Variants in HS6ST3 observed in about 807,000 individuals in gnomAD.
HS6ST3 encodes heparan sulfate 6-O-sulfotransferase 3.
Under a neutral mutation model 36.7 loss-of-function variants are expected in HS6ST3, and 12 were observed. The ratio of observed to expected loss-of-function variants is 0.33; its 90% confidence interval spans 0.21 to 0.53. HS6ST3 has a LOEUF of 0.53. HS6ST3 is among the 20% of genes least tolerant of loss of function. The pLI, the probability that HS6ST3 is intolerant of heterozygous loss-of-function variation, is 0.95. For synonymous variants in HS6ST3, 240 were observed against 257.5 expected (o/e 0.93, Z 0.65); for missense variants, 584 against 640.9 (o/e 0.91, Z 0.96).
At chr13:96,667,678 A>G (rs2056668521) in intron 1 of HS6ST3, among the ~76,000 whole-genome samples, 1 of 152,238 alleles carries the variant, frequency 6.6e-6, no homozygotes, top group African/African-American at 2.4e-5. Flanking sequence ...AATGTTACAT[A>G]TAAAAAATCT....
intron 1 of HS6ST3, among the ~76,000 whole-genome samples, chr13:96,178,629 G>C (rs754042157): frequency 2.6e-5 from 4 of 152,000 alleles, no homozygotes; most frequent in Admixed American, 2.6e-4. Context: ...CCATTCTGTG[G>C]TGCACTGGGG....
chr13:96,183,938 C>G (rs576790775), intron 1 of HS6ST3, among the ~76,000 whole-genome samples: 2 of 152,194 alleles, frequency 1.3e-5, no homozygotes, highest in South Asian at 4.2e-4. Context: ...CATGGTGGCT[C>G]ACGCCTGTCA....
intron 1 of HS6ST3, among the ~76,000 whole-genome samples, chr13:96,694,019 T>C (rs1382271444): frequency 2.0e-5 from 3 of 152,204 alleles, no homozygotes. Context: ...TTTACTTCTT[T>C]TTTTAATTTT....
At chr13:96,621,449 C>T (rs755183007) in intron 1 of HS6ST3, among the ~76,000 whole-genome samples, 13 of 152,242 alleles carry the variant, frequency 8.5e-5, no homozygotes, top group Admixed American at 3.9e-4. Context: ...TACCTTCTGC[C>T]ATGATTGTAA....
chr13:96,139,541 G>GAAAAAAA (rs57777280), intron 1 of HS6ST3, among the ~76,000 whole-genome samples: 1 of 66,264 alleles, frequency 1.5e-5, no homozygotes, highest in African/African-American at 6.1e-5. Context: ...GTAAGATTCA[G>GAAAAAAA]AAAAAAAAAA....
intron 1 of HS6ST3, among the ~76,000 whole-genome samples, chr13:96,817,898 C>G (rs994610697): frequency 1.3e-5 from 2 of 152,198 alleles, no homozygotes; most frequent in Admixed American, 6.5e-5. Flanking sequence ...CCTCCCAACA[C>G]ACCATTTTAA....
At chr13:96,574,077 G>C (rs1422975083) in intron 1 of HS6ST3, 1 of 541,910 alleles carries the variant, frequency 1.8e-6, no homozygotes, top group Non-Finnish European at 3.7e-6. Context: ...CTTCATGGCT[G>C]CATTGGGACC....
At chr13:96,704,806 G>A (rs758818264) in intron 1 of HS6ST3, among the ~76,000 whole-genome samples, 4 of 152,254 alleles carry the variant, frequency 2.6e-5, no homozygotes, top group Non-Finnish European at 2.9e-5. Context: ...ACTATAATAC[G>A]TAGGTAACTT....
chr13:96,149,562 A>T (rs1365477742), intron 1 of HS6ST3, among the ~76,000 whole-genome samples: 1 of 152,222 alleles, frequency 6.6e-6, no homozygotes, highest in Admixed American at 6.5e-5. Context: ...ATCAGAGAAG[A>T]GTAAACCAAA....
chr13:96,554,712 T>C (rs1371295927), intron 1 of HS6ST3, among the ~76,000 whole-genome samples: 2 of 152,098 alleles, frequency 1.3e-5, no homozygotes, highest in African/African-American at 4.8e-5. Context: ...CAGTCTCCTT[T>C]TGGTATTTCC....
intron 1 of HS6ST3, among the ~76,000 whole-genome samples, chr13:96,626,133 C>T (rs2138997938): frequency 6.6e-6 from 1 of 152,240 alleles, no homozygotes; most frequent in South Asian, 2.1e-4. Flanking sequence ...TGAGCCACAT[C>T]GCCCGGCCTG....
At chr13:96,448,354 T>G (rs1028920525) in intron 1 of HS6ST3, among the ~76,000 whole-genome samples, 1 of 152,182 alleles carries the variant, frequency 6.6e-6, no homozygotes, top group African/African-American at 2.4e-5. Flanking sequence ...CTCTCTCTCA[T>G]GTATGATCAT....
chr13:96,382,141 G>C (rs1451689097), intron 1 of HS6ST3, among the ~76,000 whole-genome samples: 1 of 152,222 alleles, frequency 6.6e-6, no homozygotes, highest in South Asian at 2.1e-4. Context: ...TGATAAGGAG[G>C]GTTGTTTTGC....
chr13:96,182,437 T>A (rs2139340737), intron 1 of HS6ST3, among the ~76,000 whole-genome samples: 1 of 152,266 alleles, frequency 6.6e-6, no homozygotes, highest in East Asian at 1.9e-4. Context: ...TTGACAGAGG[T>A]TTCAAAATAG....
intron 1 of HS6ST3, among the ~76,000 whole-genome samples, chr13:96,553,185 G>T (rs1277154904): frequency 1.3e-5 from 2 of 152,114 alleles, no homozygotes; most frequent in Non-Finnish European, 1.5e-5. Context: ...CTACATTGTG[G>T]TCCTTCTATT....
At chr13:96,160,141 G>T (rs1026509245) in intron 1 of HS6ST3, among the ~76,000 whole-genome samples, 1 of 152,206 alleles carries the variant, frequency 6.6e-6, no homozygotes, top group Non-Finnish European at 1.5e-5. Context: ...ATATAGCTAT[G>T]TGAGGTTTTC....
intron 1 of HS6ST3, among the ~76,000 whole-genome samples, chr13:96,700,571 T>C (rs565101560): frequency 6.6e-6 from 1 of 152,294 alleles, no homozygotes; most frequent in Admixed American, 6.5e-5. Context: ...AACCATCATG[T>C]ATGTTGTTGA....
At chr13:96,430,548 G>A (rs2055610104) in intron 1 of HS6ST3, among the ~76,000 whole-genome samples, 1 of 152,178 alleles carries the variant, frequency 6.6e-6, no homozygotes, top group African/African-American at 2.4e-5. Context: ...TATCCCAAGT[G>A]TCTAAGTTGG....
rs758974707 is a variant in HS6ST3 at position 96,808,949 on chromosome 13, A to G, written c.708-23541A>G. 8.5e-5 allele frequency among the ~76,000 whole-genome samples: 13 copies of G among 152,348 alleles called. 1 individual carries two copies. The highest frequency in any genetic ancestry group is 1.6e-4 in the Non-Finnish European group (11 of 68,026). ...GAAAAGAGCCCAGCCAGGCTACAGC[A>G]GGATGCAGATGGAAAGTGAAGAGAC... On this transcript the variant is annotated intron_variant, in intron 1 of 1. Transcript: ENST00000376705.
Sources: allele counts gnomAD v4.1 joint callset (sites outside exome capture counted in the v4.1 genomes callset), GRCh38; gene constraint gnomAD v4.1.1; transcripts MANE v1.5; gene names NCBI Gene and HGNC (gene_info 2026-07-23, HGNC 2026-07-21).